The following ZNG1B variants were observed in gnomAD, a reference collection of about 807,000 sequenced individuals.
ZNG1B encodes Zn regulated GTPase metalloprotein activator 1B.
chr2:113,463,877 AGATGGCT>A, the ZNG1B span, among the ~76,000 whole-genome samples: 4 of 151,924 alleles, frequency 2.6e-5, no homozygotes, highest in Non-Finnish European at 5.9e-5. Context: ...AGAAAGAAAA[AGATGGCT>A]GATTTTGAAA....
the ZNG1B span, among the ~76,000 whole-genome samples, chr2:113,439,873 AAT>A: frequency 1.1e-5 from 1 of 93,170 alleles, no homozygotes; most frequent in African/African-American, 4.2e-5. Flanking sequence ...CCCTTCCCTT[AAT>A]TTTTTTTTTT....
chr2:113,492,297 G>A, the ZNG1B span, among the ~76,000 whole-genome samples: 2 of 138,466 alleles, frequency 1.4e-5, 1 homozygote, highest in Non-Finnish European at 3.1e-5. Flanking sequence ...ACATACAATG[G>A]AATACTCCTC....
chr2:113,442,005 C>T, the ZNG1B span, among the ~76,000 whole-genome samples: 1 of 152,148 alleles, frequency 6.6e-6, no homozygotes, highest in Non-Finnish European at 1.5e-5. Flanking sequence ...CCCAAAGTTG[C>T]TGGGATTACA....
At chr2:113,440,536 G>T in the ZNG1B span, among the ~76,000 whole-genome samples, 1 of 151,936 alleles carries the variant, frequency 6.6e-6, no homozygotes, top group African/African-American at 2.4e-5. Flanking sequence ...CTAAATATAA[G>T]CCTTCATCTC....
the ZNG1B span, among the ~76,000 whole-genome samples, chr2:113,483,993 T>C: frequency 6.7e-6 from 1 of 148,202 alleles, no homozygotes; most frequent in Admixed American, 6.8e-5. Context: ...TTCAGAGGCA[T>C]GAACAATTTC....
chr2:113,475,185 C>T, the ZNG1B span, among the ~76,000 whole-genome samples: 411 of 119,470 alleles, frequency 3.4e-3, no homozygotes, highest in Admixed American at 6.0e-3. Flanking sequence ...GTATTGGGTG[C>T]ATATATATTT....
the ZNG1B span, among the ~76,000 whole-genome samples, chr2:113,446,501 C>T: frequency 6.6e-6 from 1 of 152,122 alleles, no homozygotes; most frequent in East Asian, 1.9e-4. Context: ...AATCCCAGCA[C>T]TTTGGAAGGC....
chr2:113,446,744 ACACACACACACACACGCACATGCACACG>A, the ZNG1B span, among the ~76,000 whole-genome samples: 3 of 105,224 alleles, frequency 2.9e-5, no homozygotes, highest in African/African-American at 6.7e-5. Context: ...AAGACTGTAT[ACACACACACACACACGCACATGCACACG>A]CACACACACA....
chr2:113,463,043 C>A, the ZNG1B span, among the ~76,000 whole-genome samples: 1 of 149,336 alleles, frequency 6.7e-6, no homozygotes, highest in South Asian at 2.1e-4. Flanking sequence ...TCAACCATGC[C>A]TTGTCTTCCA....
At chr2:113,487,918 T>G in the ZNG1B span, among the ~76,000 whole-genome samples, 2 of 151,954 alleles carry the variant, frequency 1.3e-5, no homozygotes, top group Non-Finnish European at 2.9e-5. Context: ...ACTTTTCTGC[T>G]TTTTGTATTA....
At chr2:113,475,720 A>T in the ZNG1B span, among the ~76,000 whole-genome samples, 1 of 151,896 alleles carries the variant, frequency 6.6e-6, no homozygotes, top group Admixed American at 6.6e-5. Flanking sequence ...GCTTGTCTGT[A>T]AAGTATTTTA....
the ZNG1B span, chr2:113,457,322 CA>C: frequency 1.4e-5 from 5 of 349,578 alleles, no homozygotes; most frequent in African/African-American, 1.1e-4. Context: ...TGACATTATG[CA>C]ATAATTTTTT....
the ZNG1B span, chr2:113,445,027 G>T: frequency 4.3e-6 from 7 of 1,610,552 alleles, no homozygotes; most frequent in Non-Finnish European, 5.9e-6. Flanking sequence ...ATTACATACT[G>T]TTAGAGACCA....
At chr2:113,469,879 C>A in the ZNG1B span, 1 of 149,506 alleles carries the variant, frequency 6.7e-6, no homozygotes, top group Non-Finnish European at 1.5e-5. Flanking sequence ...GAAAATTTAA[C>A]AAATGTTTGG....
At chr2:113,439,695 T>C in the ZNG1B span, among the ~76,000 whole-genome samples, 1 of 152,122 alleles carries the variant, frequency 6.6e-6, no homozygotes, top group Non-Finnish European at 1.5e-5. Context: ...CTAATGTTAC[T>C]TCAAAGGTGC....
the ZNG1B span, chr2:113,455,512 G>A: frequency 3.0e-6 from 3 of 1,016,122 alleles, no homozygotes; most frequent in African/African-American, 1.7e-5. Flanking sequence ...ATCTTTAAAA[G>A]TATGTTGTTA....
chr2:113,441,923 A>G, the ZNG1B span, among the ~76,000 whole-genome samples: 6 of 152,116 alleles, frequency 3.9e-5, no homozygotes, highest in African/African-American at 1.4e-4. Flanking sequence ...TATTTTTAGT[A>G]GAGACAGGGT....
the ZNG1B span, among the ~76,000 whole-genome samples, chr2:113,478,804 G>T: frequency 4.6e-5 from 7 of 151,642 alleles, no homozygotes; most frequent in South Asian, 2.1e-4. Flanking sequence ...AAAAAATAAA[G>T]AAAGAAAGAA....
the ZNG1B span, among the ~76,000 whole-genome samples, chr2:113,468,341 A>G: frequency 7.9e-5 from 12 of 151,504 alleles, no homozygotes; most frequent in Non-Finnish European, 1.5e-4. Flanking sequence ...ACTGGAAAAT[A>G]TCCCTAAGCA....
Sources: gnomAD v4.1 joint callset for allele counts (sites outside exome capture counted in the v4.1 genomes callset) on GRCh38, gnomAD v4.1.1 for gene constraint, MANE v1.5 for transcripts, NCBI Gene and HGNC (gene_info 2026-07-23, HGNC 2026-07-21) for gene names.